The following GGT1 variants were observed in gnomAD, a reference collection of about 807,000 sequenced individuals.
GGT1 encodes gamma-glutamyltransferase 1, also known as glutathione hydrolase 1 proenzyme.
A neutral mutation model predicts 56.0 loss-of-function variants in GGT1; 21 were observed. The observed-to-expected ratio is 0.38, with a 90% confidence interval of 0.27 to 0.54. The LOEUF (loss-of-function observed/expected upper bound fraction) is 0.54, where lower values mean the gene tolerates loss of function less well. Among genes scored for constraint, GGT1 ranks in the 20% least tolerant of loss-of-function variants. The probability of loss-of-function intolerance (pLI) is 0.82; values close to 1 mark genes in which losing one functional copy is unlikely to be tolerated. For synonymous variants in GGT1, 238 were observed against 342.6 expected (o/e 0.69, Z 3.37); for missense variants, 466 against 787.0 (o/e 0.59, Z 4.88).
chr22:24,598,426 C>A (rs139274097), upstream of GGT1, among the ~76,000 whole-genome samples: 1 of 123,038 alleles, frequency 8.1e-6, no homozygotes, highest in Non-Finnish European at 1.6e-5. Context: ...GGCAACAGAG[C>A]GAGACTGAGA....
the GGT1 span, among the ~76,000 whole-genome samples, chr22:24,587,563 G>A: frequency 1.8e-4 from 27 of 152,256 alleles, no homozygotes; most frequent in East Asian, 9.7e-4. Context: ...GTAAGCTCCC[G>A]GCAGCAGTTC....
Position 24,623,908 on chromosome 22 carries a change from G to A in GGT1, c.1012G>A (p.Val338Met), listed in dbSNP as rs749681756. 7.4e-6 allele frequency: 12 copies of A among 1,611,110 alleles called. No homozygotes were observed. The highest frequency in any genetic ancestry group is 1.3e-5 in the African/African-American group (1 of 74,962). ...GCTTGGGGACCCCAAGTTTGTGGATGTGACTGAGGTAAGGGGCAGGGGCTG... is the reference window on the plus strand; with the variant it reads ...GCTTGGGGACCCCAAGTTTGTGGATATGACTGAGGTAAGGGGCAGGGGCTG... ...TLLGDPKFVDVTEVVRNMTSE... is the reference protein window; with the variant it reads ...TLLGDPKFVDMTEVVRNMTSE... Residue 338 changes from valine to methionine, a missense_variant, in exon 11 of 16, where the codon GTG (valine) becomes ATG (methionine). By Grantham distance (21) the Val-to-Met change is conservative (BLOSUM62 1). This residue lies in a region of GGT1 where 456 missense variants were observed against 716.7 expected (regional missense o/e 0.64). Coordinates refer to ENST00000400382, the MANE Select transcript of GGT1 (RefSeq NM_001288833.2).
the GGT1 span, chr22:24,586,184 C>T: frequency 6.2e-7 from 1 of 1,613,578 alleles, no homozygotes; most frequent in Non-Finnish European, 8.5e-7. Context: ...CAGTCGGTTG[C>T]CGTTGAGCAG....
At position 24,628,594 on chromosome 22, in the gene GGT1, C is replaced by G; in HGVS notation, c.1564-99C>G. Reference sequence around the variant, plus strand: ...ACCTGCTCTTCCTGATGACCTGGCCCGAAATGGCACCACCTGGGCTGAGGC... The same window carrying G: ...ACCTGCTCTTCCTGATGACCTGGCCGGAAATGGCACCACCTGGGCTGAGGC... On this transcript the variant is annotated intron_variant, in intron 15 of 15. Coordinates refer to ENST00000400382, the MANE Select transcript of GGT1 (RefSeq NM_001288833.2). This position sits in a 1 kb window ranked among gnomAD's most constrained non-coding sequence, Gnocchi z 5.7. The G allele has an allele frequency of 1.9e-6, 3 of 1,593,986 alleles. No homozygotes were observed. The highest frequency in any genetic ancestry group is 2.6e-6 in the Non-Finnish European group (3 of 1,166,348).
At chr22:24,617,562 G>A (rs1323483067) in intron 7 of GGT1, among the ~76,000 whole-genome samples, 3 of 152,060 alleles carry the variant, frequency 2.0e-5, no homozygotes, top group Non-Finnish European at 2.9e-5. Flanking sequence ...TTGAGGATGG[G>A]TTGGGTGTGA....
At chr22:24,598,652 C>T (rs2045734138), upstream of GGT1, among the ~76,000 whole-genome samples, 1 of 152,086 alleles carries the variant, frequency 6.6e-6, no homozygotes, top group South Asian at 2.1e-4. Context: ...CTCCCGTGCT[C>T]AAGTGATCCT....
At chr22:24,603,925 C>T (rs2045865412) in intron 1 of GGT1, among the ~76,000 whole-genome samples, 1 of 151,900 alleles carries the variant, frequency 6.6e-6, no homozygotes, top group Admixed American at 6.6e-5. Flanking sequence ...CAGGGGGCGC[C>T]TGCCACCTCT....
intron 1 of GGT1, among the ~76,000 whole-genome samples, chr22:24,605,900 TATATA>T (rs2046226314): frequency 1.1e-5 from 1 of 87,378 alleles, no homozygotes; most frequent in African/African-American, 5.0e-5. Context: ...TATTATATAT[TATATA>T]ATATTATATG....
At chr22:24,626,405 C>A (rs1485360947) in intron 11 of GGT1, among the ~76,000 whole-genome samples, 2 of 121,986 alleles carry the variant, frequency 1.6e-5, no homozygotes, top group African/African-American at 6.7e-5. Flanking sequence ...GCCTTGGGGA[C>A]CTTGGCCAGG....
the GGT1 span, chr22:24,588,300 C>G: frequency 6.2e-7 from 1 of 1,613,466 alleles, no homozygotes; most frequent in Non-Finnish European, 8.5e-7. Flanking sequence ...GTCGGCAGAT[C>G]TTGTCCGAGG....
At chr22:24,624,078 C>T (rs1217876351) in intron 11 of GGT1, 162 bp downstream of exon 11, 14 of 985,258 alleles carry the variant, frequency 1.4e-5, no homozygotes, top group African/African-American at 1.7e-5. Flanking sequence ...TCGTGGGTGA[C>T]CCCCAGTCTT....
Position 24,628,198 on chromosome 22 carries a change from G to A in GGT1, c.1449+5G>A, listed in dbSNP as rs780197503. ...ATCACCACGGCCACTGCACTGGTATGTGTCACACCTTTTCTCCCTGGCCGT... is the reference window on the plus strand; with the variant it reads ...ATCACCACGGCCACTGCACTGGTATATGTCACACCTTTTCTCCCTGGCCGT... On this transcript the variant is annotated splice_donor_5th_base_variant and intron_variant, in intron 14 of 15. Transcript: ENST00000400382. This position sits in a 1 kb window ranked among gnomAD's most constrained non-coding sequence, Gnocchi z 5.7. 8.1e-6 allele frequency: 13 copies of A among 1,612,060 alleles called. No homozygotes were observed. Among genetic ancestry groups the A allele is most frequent in the African/African-American group, 1.3e-5 (1 of 74,978 alleles).
chr22:24,597,806 T>C (rs1411417600), intron 1 of GGT1, among the ~76,000 whole-genome samples: 1 of 152,168 alleles, frequency 6.6e-6, no homozygotes, highest in African/African-American at 2.4e-5. Context: ...CCAGCAAGAA[T>C]CAATTCTGCA....
At chr22:24,626,594 A>C (rs1170027991) in intron 11 of GGT1, among the ~76,000 whole-genome samples, 7 of 151,826 alleles carry the variant, frequency 4.6e-5, no homozygotes, top group South Asian at 4.2e-4. Flanking sequence ...CCCCTTCTGC[A>C]GGGTTTACCT....
At chr22:24,585,284 C>T in the GGT1 span, among the ~76,000 whole-genome samples, 1 of 152,220 alleles carries the variant, frequency 6.6e-6, no homozygotes, top group Non-Finnish European at 1.5e-5. Flanking sequence ...GGTGGTGAGG[C>T]TGGCAGCCTG....
the GGT1 span, among the ~76,000 whole-genome samples, chr22:24,586,976 A>G: frequency 3.2e-4 from 49 of 152,180 alleles, no homozygotes; most frequent in East Asian, 9.3e-3. Context: ...TTGAAATCTC[A>G]CTGTGTGCCC....
chr22:24,586,069 C>G, the GGT1 span: 3 of 1,612,030 alleles, frequency 1.9e-6, no homozygotes, highest in East Asian at 6.7e-5. Context: ...GGGGCTGGGG[C>G]AGGGAAGCCA....
chr22:24,617,952 GTGA>G (rs1190941274), intron 7 of GGT1, among the ~76,000 whole-genome samples: 3 of 152,124 alleles, frequency 2.0e-5, no homozygotes, highest in Non-Finnish European at 2.9e-5. Flanking sequence ...CTCAGGGAAA[GTGA>G]TGAGCCCAGT....
At chr22:24,605,851 TATATGATGTGTATTATATATTATATAA>T (rs2046210319) in intron 1 of GGT1, among the ~76,000 whole-genome samples, 2 of 56,510 alleles carry the variant, frequency 3.5e-5, no homozygotes, top group Non-Finnish European at 2.9e-5. Context: ...TATTATATAA[TATATGATGTGTATTATATATTATATAA>T]TATATGATGT....
Sources: allele counts gnomAD v4.1 joint callset (sites outside exome capture counted in the v4.1 genomes callset), GRCh38; gene constraint gnomAD v4.1.1; regional missense constraint gnomAD v4.1.1; non-coding constraint Gnocchi (gnomAD v3.1); transcripts MANE v1.5; gene names NCBI Gene and HGNC (gene_info 2026-07-23, HGNC 2026-07-21).